The following STAT5A variants were observed in gnomAD, a reference collection of about 807,000 sequenced individuals.
STAT5A encodes the protein signal transducer and activator of transcription 5A.
Under a neutral mutation model 100.2 loss-of-function variants are expected in STAT5A, and 26 were observed. The ratio of observed to expected loss-of-function variants is 0.26; its 90% CI spans 0.19 to 0.36. The LOEUF is 0.36. Ranked by LOEUF, STAT5A falls within the 10% of genes least tolerant of loss-of-function variation. The pLI is 1.00. For synonymous variants in STAT5A, 330 were observed against 424.3 expected (o/e 0.78, Z 2.73); for missense variants, 634 against 1,027.5 (o/e 0.62, Z 5.24).
At position 42,300,603 on chromosome 17, in the gene STAT5A, A is replaced by T. The variant is rs548237496; in HGVS notation, c.834-112A>T. 516 of 1,154,748 alleles carry T rather than the reference A, an allele frequency of 4.5e-4. 1 individual carries two copies. In the African/African-American group the frequency reaches 7.4e-3, roughly 16 times the overall value. The allele number at this position is 1,154,748 out of a possible 1,614,324, so 71.5% of individuals were successfully genotyped here. ...GAGCTCTGCTCTTCCCATGGGTGGG[A>T]AGTGTGGCGAAAGCACAGAGCCTTC... On this transcript the variant is annotated intron_variant, in intron 7 of 18. Coordinates refer to ENST00000590949, the MANE Select transcript of STAT5A (RefSeq NM_001288718.2).
intron 8 of STAT5A, 66 bp downstream of exon 8, chr17:42,300,936 C>T: frequency 1.9e-6 from 3 of 1,608,338 alleles, no homozygotes; most frequent in East Asian, 2.2e-5. Context: ...GGGGGAGCTG[C>T]AGGTGCCTTC....
intron 13 of STAT5A, 33 bp downstream of exon 13, chr17:42,306,480 G>A (rs750044509): frequency 1.3e-6 from 2 of 1,585,734 alleles, no homozygotes; most frequent in Non-Finnish European, 1.7e-6. Flanking sequence ...GCCCACCAGG[G>A]CCCACCGGGG....
chr17:42,291,498 C>T (rs2080868197), intron 3 of STAT5A, among the ~76,000 whole-genome samples: 3 of 152,100 alleles, frequency 2.0e-5, no homozygotes, highest in South Asian at 2.1e-4. Context: ...GGGTGGATCA[C>T]CTGAGGTCGG....
Position 42,304,683 on chromosome 17 carries a change from C to T in STAT5A, c.1380+31C>T, listed in dbSNP as rs1459977904. On this transcript the variant is annotated intron_variant, in intron 11 of 18. Transcript: ENST00000590949. The surrounding 1 kb of genome is among the most constrained non-coding windows in gnomAD (Gnocchi z 4.8). ...ACCCCCAGCCCTCCTGCCCCCACTG[C>T]TCCAGGTCACCCAAGAGGTGGAGGG... is the stretch of plus-strand genomic sequence containing the variant. 4 of 1,612,148 alleles carry T rather than the reference C, an allele frequency of 2.5e-6. No individual in the cohort carries two copies. In the South Asian group the frequency reaches 3.3e-5, roughly 13 times the overall value.
At position 42,301,368 on chromosome 17, in the gene STAT5A, C is replaced by T. The variant is rs375582734; in HGVS notation, c.1083C>T (p.Asn361=). ...GCCTGCTGGTGGGCGGGAAGCTGAACGTGCACATGAATCCCCCCCAGGTGA... is the reference window on the plus strand; with the variant it reads ...GCCTGCTGGTGGGCGGGAAGCTGAATGTGCACATGAATCCCCCCCAGGTGA... ...TVRLLVGGKL[N]VHMNPPQVKA... The change falls in exon 9 of 19, where the codon AAC becomes AAT. Residue 361 remains asparagine (N), a synonymous_variant. Coordinates refer to ENST00000590949, the MANE Select transcript of STAT5A (RefSeq NM_001288718.2). 68 of 1,614,066 alleles carry T rather than the reference C, an allele frequency of 4.2e-5. 1 individual carries two copies. Among genetic ancestry groups the T allele is most frequent in the East Asian group, 1.6e-4 (7 of 44,896 alleles).
Position 42,292,012 on chromosome 17 carries a change from T to G in STAT5A, c.326T>G (p.Ile109Ser). The G allele has an allele frequency of 6.2e-7, 1 of 1,614,010 alleles. No individual in the cohort carries two copies. The highest frequency in any genetic ancestry group is 8.5e-7 in the Non-Finnish European group (1 of 1,179,944). ...DRCPLELVRC[I>S]RHILYNEQRL... is the part of the protein sequence containing the mutation. The stretch of plus-strand genomic sequence containing the variant: ...TGCCCCCTGGAGCTGGTCCGCTGCA[T>G]CCGGCACATTCTGTACAATGAACAG... Residue 109 changes from isoleucine (I) to serine (S), a missense_variant, in exon 4 of 19, where the codon ATC becomes AGC. Transcript: ENST00000590949.
intron 9 of STAT5A, among the ~76,000 whole-genome samples, chr17:42,302,326 C>T (rs1598362305): frequency 6.6e-6 from 1 of 152,114 alleles, no homozygotes; most frequent in African/African-American, 2.4e-5. Flanking sequence ...GATGGTGTAG[C>T]CATGTGGCAG....
At chr17:42,310,323 G>A (rs1471125884) in intron 18 of STAT5A, among the ~76,000 whole-genome samples, 184 bp from the exon 19 acceptor site, 4 of 152,242 alleles carry the variant, frequency 2.6e-5, no homozygotes, top group Admixed American at 2.6e-4. Flanking sequence ...CGAATAGAGT[G>A]GGGGTCTGCA....
chr17:42,301,157 C>T (rs1567691068), intron 8 of STAT5A, 118 bp from the exon 9 acceptor site: 16 of 1,488,212 alleles, frequency 1.1e-5, no homozygotes, highest in East Asian at 2.3e-5. Context: ...AGGTTGTGCC[C>T]GAGCTCATCA....
chr17:42,310,598 A>G lies in STAT5A; in HGVS notation c.2314A>G (p.Met772Val), dbSNP rs1264901339. The G allele has an allele frequency of 5.0e-6, 8 of 1,614,090 alleles. No individual in the cohort carries two copies. The highest frequency in any genetic ancestry group is 2.2e-5 in the South Asian group (2 of 91,090). ...RHVEELLRRP[M>V]DSLDSRLSPP... ...CGTGGAGGAACTCTTACGCCGACCA[A>G]TGGACAGTCTTGACTCCCGCCTCTC... The change falls in exon 19 of 19, where the codon ATG becomes GTG. Residue 772 changes from methionine (M) to valine (V), a missense_variant. Physicochemically the swap from Met to Val is conservative, Grantham distance 21. Transcript: ENST00000590949.
At chr17:42,309,549 T>C in intron 18 of STAT5A, 65 bp downstream of exon 18, 1 of 1,536,244 alleles carries the variant, frequency 6.5e-7, no homozygotes. Context: ...GCTGGACTCC[T>C]GGAGGGCTGG....
chr17:42,301,069 C>T (rs2080973205), intron 8 of STAT5A, among the ~76,000 whole-genome samples, 199 bp downstream of exon 8: 1 of 152,120 alleles, frequency 6.6e-6, no homozygotes, highest in Non-Finnish European at 1.5e-5. Context: ...CCCTGGGCCG[C>T]AGCCCATGCC....
At position 42,304,276 on chromosome 17, in the gene STAT5A, G is replaced by C. The variant is rs1231007800; in HGVS notation, c.1170-66G>C. 2.2e-5 allele frequency: 33 copies of C among 1,511,120 alleles called. No individual in the cohort carries two copies. The highest frequency in any genetic ancestry group is 3.0e-5 in the Non-Finnish European group (33 of 1,090,018). 93.6% of individuals were successfully genotyped at this position (1,511,120 alleles called of 1,614,324 possible). A position where few individuals can be genotyped will look rare whatever the true frequency, so the allele number is the denominator to read the frequency against. ...ACCTGAGCGAAGACCCCAGCCCGAG[G>C]TGTGGACAGGACCATGCTCCTGGCC... On this transcript the variant is annotated intron_variant, in intron 9 of 18. Transcript: ENST00000590949. This position sits in a 1 kb window ranked among gnomAD's most constrained non-coding sequence, Gnocchi z 4.8.
intron 4 of STAT5A, among the ~76,000 whole-genome samples, chr17:42,293,172 G>C (rs556736779): frequency 6.6e-6 from 1 of 152,166 alleles, no homozygotes; most frequent in Non-Finnish European, 1.5e-5. Context: ...CCGGAGCACA[G>C]GTCATATTTA....
chr17:42,299,904 C>T, intron 6 of STAT5A, 23 bp downstream of exon 6: 1 of 1,594,620 alleles, frequency 6.3e-7, no homozygotes, highest in Non-Finnish European at 8.5e-7. Flanking sequence ...CTGGGCCTCT[C>T]CTGGGCGTGG....
At chr17:42,307,010 A>G (rs541718746) in intron 13 of STAT5A, among the ~76,000 whole-genome samples, 1 of 152,076 alleles carries the variant, frequency 6.6e-6, no homozygotes, top group South Asian at 2.1e-4. Flanking sequence ...GTGAGCCACC[A>G]CGCCTGTGGC....
Position 42,308,170 on chromosome 17 carries a change from T to A in STAT5A, c.1907-8T>A. 6.2e-7 allele frequency: 1 copy of A among 1,613,712 alleles called. No individual in the cohort carries two copies. Among genetic ancestry groups the A allele is most frequent in the Non-Finnish European group, 8.5e-7 (1 of 1,179,650 alleles). On this transcript the variant is annotated splice_region_variant and splice_polypyrimidine_tract_variant and intron_variant, in intron 15 of 18. Transcript: ENST00000590949. This position sits in a 1 kb window ranked among gnomAD's most constrained non-coding sequence, Gnocchi z 4.6. ...TGGATTATGGGAATGAGGCTGTTCT[T>A]TTCACAGCGGAACGCAACCTGTGGA...
At chr17:42,296,099 G>C (rs1471012963) in intron 5 of STAT5A, among the ~76,000 whole-genome samples, 1 of 152,144 alleles carries the variant, frequency 6.6e-6, no homozygotes, top group African/African-American at 2.4e-5. Context: ...TACAGAACTG[G>C]ATCTCAACTA....
At chr17:42,306,827 C>G (rs2081033772) in intron 13 of STAT5A, among the ~76,000 whole-genome samples, 1 of 151,966 alleles carries the variant, frequency 6.6e-6, no homozygotes, top group Non-Finnish European at 1.5e-5. Flanking sequence ...TCAAGTGATT[C>G]TCGTGCCTCA....
Sources: gnomAD v4.1 joint callset for allele counts (sites outside exome capture counted in the v4.1 genomes callset) on GRCh38, gnomAD v4.1.1 for gene constraint, Gnocchi (gnomAD v3.1) non-coding constraint, MANE v1.5 for transcripts, NCBI Gene and HGNC (gene_info 2026-07-23, HGNC 2026-07-21) for gene names.